RASSF6: variants seen among roughly 807,000 people sequenced by gnomAD.
RASSF6 encodes ras association domain-containing protein 6.
In RASSF6, 52 loss-of-function variants were observed where a neutral mutation model predicts 44.0. The ratio of observed to expected loss-of-function variants is 1.18; its 90% CI spans 0.95 to 1.49. RASSF6 has a LOEUF of 1.49. Ranked by LOEUF, RASSF6 falls within the 40% of genes most tolerant of loss-of-function variation. The probability of loss-of-function intolerance (pLI) is 0.00; values close to 1 mark genes in which losing one functional copy is unlikely to be tolerated. For missense variants in RASSF6, 464 were observed against 393.3 expected (o/e 1.18, Z -1.52); for synonymous variants, 162 against 124.6 (o/e 1.30, Z -2.00).
At chr4:73,614,206 C>T (rs938454407) in intron 1 of RASSF6, among the ~76,000 whole-genome samples, 1 of 152,228 alleles carries the variant, frequency 6.6e-6, no homozygotes, top group Non-Finnish European at 1.5e-5. Context: ...ATTTCCACTG[C>T]TACTACCCTA....
Position 73,582,163 on chromosome 4 carries a change from T to C in RASSF6, c.669+26A>G, listed in dbSNP as rs1455226076. 3 of 993,320 alleles carry C rather than the reference T, an allele frequency of 3.0e-6. No individual in the cohort carries two copies. In the African/African-American group the frequency reaches 4.9e-5, roughly 16 times the overall value. 61.5% of individuals were successfully genotyped at this position (993,320 alleles called of 1,614,324 possible). ...AGTTGAATTATATATAATATATTTA[T>C]AGCTCAGTTAAGTGATAAAGGTTAC... On this transcript the variant is annotated intron_variant, in intron 7 of 10. Coordinates refer to ENST00000307439, the MANE Select transcript of RASSF6 (RefSeq NM_177532.5).
At chr4:73,597,502 G>A (rs898361544) in intron 3 of RASSF6, among the ~76,000 whole-genome samples, 2 of 152,122 alleles carry the variant, frequency 1.3e-5, no homozygotes, top group African/African-American at 4.8e-5. Context: ...TGGAGAAAAA[G>A]GAACCCTTAT....
chr4:73,597,334 TA>T (rs1724999460), intron 3 of RASSF6, among the ~76,000 whole-genome samples: 1 of 152,060 alleles, frequency 6.6e-6, no homozygotes, highest in Non-Finnish European at 1.5e-5. Context: ...AAACACTTCT[TA>T]AAATAAGACA....
intron 1 of RASSF6, chr4:73,615,805 A>G: frequency 9.3e-7 from 1 of 1,072,218 alleles, no homozygotes; most frequent in Non-Finnish European, 1.4e-6. Flanking sequence ...AGTGTTGGGC[A>G]GCATTAGCGT....
At position 73,576,235 on chromosome 4, in the gene RASSF6, C is replaced by T. The variant is rs1723202721; in HGVS notation, c.1014G>A (p.Ter338=). ...KLVIKTETTV[*] ...GTTTTAGCAATAGAAGCTTGTACTG[C>T]TAAACTGTTGTCTCTGTTTTTATTA... The change falls in exon 11 of 11, where the codon TAG becomes TAA. Residue 338 remains the stop codon, a stop_retained_variant. Coordinates refer to ENST00000307439, the MANE Select transcript of RASSF6 (RefSeq NM_177532.5). 1 of 1,532,192 alleles carries T rather than the reference C, an allele frequency of 6.5e-7. No homozygotes were observed. The highest frequency in any genetic ancestry group is 9.0e-7 in the Non-Finnish European group (1 of 1,113,116). 94.9% of individuals were successfully genotyped at this position (1,532,192 alleles called of 1,614,324 possible). A position where few individuals can be genotyped will look rare whatever the true frequency, so the allele number is the denominator to read the frequency against.
At position 73,576,643 on chromosome 4, in the gene RASSF6, C is replaced by T. The variant is rs1403371412; in HGVS notation, c.810G>A (p.Met270Ile). 3.1e-6 allele frequency: 5 copies of T among 1,613,316 alleles called. No individual in the cohort carries two copies. Among genetic ancestry groups the T allele is most frequent in the Admixed American group, 1.7e-5 (1 of 59,976 alleles). ...TGCTAATTTCTTCTGCATCTTTATC[C>T]ATGAGGAAAATGCGAGCATTCTTTT... ...PSEKNARIFL[M>I]DKDAEEISSD... The change falls in exon 9 of 11, where the codon ATG (methionine) becomes ATA (isoleucine). Residue 270 changes from methionine (M) to isoleucine (I), a missense_variant. Transcript: ENST00000307439.
chr4:73,588,331 G>A lies in RASSF6; in HGVS notation c.288-397C>T, dbSNP rs150419357. Among the ~76,000 whole-genome samples the A allele has an allele frequency of 1.3e-3, 191 of 152,122 alleles. 1 individual carries two copies. The highest frequency in any genetic ancestry group is 4.4e-3 in the African/African-American group (183 of 41,518). Reference sequence around the variant, plus strand: ...TTTATACATTCTGTCAATATGTATTGTACCTTTTGCATTCAAAACATTGTT... The same window carrying A: ...TTTATACATTCTGTCAATATGTATTATACCTTTTGCATTCAAAACATTGTT... On this transcript the variant is annotated intron_variant, in intron 4 of 10. Coordinates refer to ENST00000307439, the MANE Select transcript of RASSF6 (RefSeq NM_177532.5).
Position 73,576,469 on chromosome 4 carries a change from T to A in RASSF6, c.879A>T (p.Glu293Asp), listed in dbSNP as rs78477189. The A allele has an allele frequency of 1.3e-3, 2,058 of 1,583,966 alleles. 4 individuals are homozygous for A. Among genetic ancestry groups the A allele is most frequent in the South Asian group, 2.1e-3 (180 of 86,502 alleles). The change falls in exon 10 of 11, where the codon GAA (glutamate) becomes GAT (aspartate). Residue 293 changes from glutamate (E) to aspartate (D), a missense_variant. Physicochemically the swap from Glu to Asp is conservative, Grantham distance 45 (BLOSUM62 2). Coordinates refer to ENST00000307439, the MANE Select transcript of RASSF6 (RefSeq NM_177532.5). ...CTTCATTTAATCTTTGAAGAATGGA[T>A]TCCAAGAGAGAAAAGTGAAAGTTAA... ...QYINFHFSLL[E>D]SILQRLNEEE... is the part of the protein sequence containing the mutation.
chr4:73,615,885 A>G (rs1315288030), intron 1 of RASSF6: 3 of 1,550,250 alleles, frequency 1.9e-6, no homozygotes, highest in South Asian at 2.4e-5. Flanking sequence ...GCTTGCCTGG[A>G]CTTACCAGTT....
intron 3 of RASSF6, 26 bp downstream of exon 3, chr4:73,598,614 G>A (rs764754522): frequency 1.3e-5 from 16 of 1,256,752 alleles, no homozygotes; most frequent in East Asian, 2.4e-5. Context: ...GAATAACACC[G>A]GATTGCCTTT....
intron 2 of RASSF6, chr4:73,603,968 C>A (rs1725452418): frequency 6.6e-6 from 1 of 152,122 alleles, no homozygotes. Context: ...ACAGTTTGAA[C>A]CCACTAAGGA....
Position 73,619,961 on chromosome 4 carries a change from C to T in RASSF6, c.-35+327G>A, listed in dbSNP as rs527358213. On this transcript the variant is annotated intron_variant, in intron 1 of 10. Coordinates refer to ENST00000307439, the MANE Select transcript of RASSF6 (RefSeq NM_177532.5). ...CCAGAAGTCTAGTATCTTTGTAAGG[C>T]ACGATTTTTGCCAGGCACAATTACA... Among the ~76,000 whole-genome samples the T allele has an allele frequency of 2.0e-5, 3 of 152,148 alleles. No individual in the cohort carries two copies. In the East Asian group the frequency reaches 5.8e-4, roughly 29 times the overall value.
intron 6 of RASSF6, 149 bp from the exon 7 acceptor site, chr4:73,582,439 T>C: frequency 2.2e-6 from 1 of 450,866 alleles, no homozygotes. Flanking sequence ...TTCTTTGTTG[T>C]TTTTGAATAT....
chr4:73,575,569 G>T lies in RASSF6; in HGVS notation c.*666C>A, dbSNP rs1029054620. On this transcript the variant is annotated 3_prime_UTR_variant, in exon 11 of 11. Coordinates refer to ENST00000307439, the MANE Select transcript of RASSF6 (RefSeq NM_177532.5). The stretch of plus-strand genomic sequence containing the variant: ...TAACTTAAAAAAGAGCTTAAGAAAA[G>T]CTTTGAACTGATGAAAGGTCTTTCA... The T allele has an allele frequency of 3.3e-5, 5 of 152,030 alleles. No individual in the cohort carries two copies. The highest frequency in any genetic ancestry group is 1.2e-4 in the African/African-American group (5 of 41,408). 9.4% of individuals were successfully genotyped at this position (152,030 alleles called of 1,614,324 possible).
At position 73,571,879 on chromosome 4, in the gene RASSF6, C is replaced by A. The variant is rs1468369126; in HGVS notation, c.*4356G>T. 1 of 152,126 alleles carries A rather than the reference C, an allele frequency of 6.6e-6. No individual in the cohort carries two copies. The highest frequency in any genetic ancestry group is 2.4e-5 in the African/African-American group (1 of 41,424). 9.4% of individuals were successfully genotyped at this position (152,126 alleles called of 1,614,324 possible). On this transcript the variant is annotated 3_prime_UTR_variant, in exon 11 of 11. Coordinates refer to ENST00000307439, the MANE Select transcript of RASSF6 (RefSeq NM_177532.5). ...AAAACAAGGATAAATTATTCTGTGA[C>A]AAGTTTATATTCTTGCATTATGCAA...
intron 1 of RASSF6, among the ~76,000 whole-genome samples, chr4:73,612,562 G>A (rs1350533299): frequency 6.6e-6 from 1 of 151,176 alleles, no homozygotes; most frequent in Non-Finnish European, 1.5e-5. Context: ...GGTTATTTGG[G>A]TTGGGTAAGA....
In RASSF6 at chr4:73,593,589, T is replaced by C. The variant is rs762063006; in HGVS notation, c.149A>G (p.Glu50Gly). 6.2e-7 allele frequency: 1 copy of C among 1,613,348 alleles called. No individual in the cohort carries two copies. Among genetic ancestry groups the C allele is most frequent in the Non-Finnish European group, 8.5e-7 (1 of 1,179,670 alleles). Residue 50 changes from glutamate (E) to glycine (G), a missense_variant, in exon 4 of 11, where the codon GAA (glutamate) becomes GGA (glycine). By Grantham distance (98) the Glu-to-Gly change is moderately conservative. Transcript: ENST00000307439. ...TCCTTCAACAATTAGTTTGCCATCT[T>C]CAGTCTAAGGAAGAAATGAATAATC... is the stretch of plus-strand genomic sequence containing the variant. ...KNLHILYGET[E>G]DGKLIVEGML...
chr4:73,600,885 T>C (rs941424272), intron 2 of RASSF6, among the ~76,000 whole-genome samples: 2 of 152,252 alleles, frequency 1.3e-5, no homozygotes, highest in African/African-American at 4.8e-5. Flanking sequence ...CTAAAAATTA[T>C]ACTACTGGCC....
intron 1 of RASSF6, among the ~76,000 whole-genome samples, chr4:73,613,409 T>C (rs563932637): frequency 1.3e-5 from 2 of 152,198 alleles, no homozygotes; most frequent in Non-Finnish European, 2.9e-5. Context: ...AACTTGGTTA[T>C]ACAGGTTACA....
Sources: allele counts gnomAD v4.1 joint callset (sites outside exome capture counted in the v4.1 genomes callset), GRCh38; gene constraint gnomAD v4.1.1; transcripts MANE v1.5; gene names NCBI Gene and HGNC (gene_info 2026-07-23, HGNC 2026-07-21).